The following ZFHX3 variants were observed in gnomAD, a reference collection of about 807,000 sequenced individuals.
ZFHX3 encodes zinc finger homeobox 3.
ZFHX3 carries 42 observed loss-of-function variants against 279.1 expected under a neutral mutation model. The observed-to-expected ratio is 0.15, with a 90% confidence interval of 0.12 to 0.19. ZFHX3 has a LOEUF of 0.19. Among genes scored for constraint, ZFHX3 ranks in the 10% least tolerant of loss-of-function variants. The probability of loss-of-function intolerance (pLI) is 1.00; values close to 1 mark genes in which losing one functional copy is unlikely to be tolerated. For missense variants in ZFHX3, 4,981 were observed against 4,754.0 expected (o/e 1.05, Z -1.40); for synonymous variants, 2,293 against 1,957.8 (o/e 1.17, Z -4.52).
At chr16:73,537,170 G>T (rs2019916754) in intron 2 of ZFHX3, among the ~76,000 whole-genome samples, 1 of 152,132 alleles carries the variant, frequency 6.6e-6, no homozygotes, top group Non-Finnish European at 1.5e-5. Context: ...GCTTTGGGCT[G>T]ATGCTTATCT....
At chr16:73,048,522 G>A (rs888982904), upstream of ZFHX3, 16 of 152,370 alleles carry the variant, frequency 1.1e-4, no homozygotes, top group East Asian at 3.1e-3. Context: ...CAAAGCCCAG[G>A]CCCTCCCGGA....
chr16:73,563,719 A>T (rs1232663004), intron 2 of ZFHX3, among the ~76,000 whole-genome samples: 1 of 152,144 alleles, frequency 6.6e-6, no homozygotes, highest in East Asian at 1.9e-4. Context: ...CAAAATGCAG[A>T]AGGAAACTGA....
At chr16:73,499,829 T>C (rs1383107604) in intron 2 of ZFHX3, 1 of 152,208 alleles carries the variant, frequency 6.6e-6, no homozygotes, top group Non-Finnish European at 1.5e-5. Flanking sequence ...ACAATGGTCC[T>C]GTAAGATTAC....
rs192094203 is a variant in ZFHX3, at chr16:73,127,917, G to C, written c.-897+3051C>G. Among the ~76,000 whole-genome samples the C allele has an allele frequency of 2.6e-5, 4 of 152,330 alleles. No individual in the cohort carries two copies. The East Asian group carries it at 7.7e-4, about 29-fold the overall frequency. On this transcript the variant is annotated intron_variant, in intron 7 of 17. Transcript: ENST00000641206. Reference sequence around the variant, plus strand: ...TTTGGCCAATGAAATGTGAATAGAAGTGATGCATGTCCCTGCTGGGTAGAA... The same window carrying C: ...TTTGGCCAATGAAATGTGAATAGAACTGATGCATGTCCCTGCTGGGTAGAA...
chr16:73,735,901 T>TGTTTG lies in ZFHX3; in HGVS notation c.-1607-55662_-1607-55661insCAAAC, dbSNP rs375304884. On this transcript the variant is annotated intron_variant, in intron 1 of 17. Transcript: ENST00000641206. ...AGCACCAGCCATTCCGTTTTTTTTTTTTTTTTTTTTTTTTTAATGCTCTGA... is the reference window on the plus strand; with the variant it reads ...AGCACCAGCCATTCCGTTTTTTTTTTGTTTGTTTTTTTTTTTTTTTAATGCTCTGA... Among the ~76,000 whole-genome samples, 578 of 146,044 alleles carry TGTTTG rather than the reference T, an allele frequency of 4.0e-3. 7 individuals carry two copies. Among genetic ancestry groups the TGTTTG allele is most frequent in the African/African-American group, 0.013 (504 of 37,578 alleles).
At chr16:72,839,662 A>T (rs1331822189) in intron 4 of ZFHX3, among the ~76,000 whole-genome samples, 1 of 152,142 alleles carries the variant, frequency 6.6e-6, no homozygotes, top group Non-Finnish European at 1.5e-5. Flanking sequence ...AGTTGATAGA[A>T]GAAGGTCTCG....
At chr16:73,671,567 T>C (rs2052904373) in intron 2 of ZFHX3, among the ~76,000 whole-genome samples, 1 of 152,266 alleles carries the variant, frequency 6.6e-6, no homozygotes, top group South Asian at 2.1e-4. Context: ...ATTGGTTTTA[T>C]TTCTAACCTG....
intron 2 of ZFHX3, among the ~76,000 whole-genome samples, chr16:73,622,748 C>T (rs896514798): frequency 2.0e-5 from 3 of 152,180 alleles, no homozygotes; most frequent in South Asian, 2.1e-4. Flanking sequence ...CTTCATGACT[C>T]CCAGCAGCTC....
At chr16:73,315,463 C>T (rs1365251511) in intron 4 of ZFHX3, among the ~76,000 whole-genome samples, 2 of 152,106 alleles carry the variant, frequency 1.3e-5, no homozygotes, top group Non-Finnish European at 2.9e-5. Flanking sequence ...TTCACTTTTG[C>T]CAGATTTCCA....
chr16:73,614,167 C>G (rs1439466013), intron 2 of ZFHX3, among the ~76,000 whole-genome samples: 4 of 152,226 alleles, frequency 2.6e-5, no homozygotes, highest in African/African-American at 7.2e-5. Context: ...CAGAGGGAAG[C>G]TGTCCAGCAA....
intron 4 of ZFHX3, among the ~76,000 whole-genome samples, chr16:73,274,141 C>T: frequency 6.6e-6 from 1 of 151,722 alleles, no homozygotes; most frequent in East Asian, 1.9e-4. Context: ...GAAACTCTGT[C>T]TCAGGAAAAA....
At chr16:72,930,137 G>C (rs1465761587) in intron 3 of ZFHX3, among the ~76,000 whole-genome samples, 2 of 152,206 alleles carry the variant, frequency 1.3e-5, no homozygotes, top group Admixed American at 6.5e-5. Context: ...AGAATCACTT[G>C]AACACGGGAG....
intron 7 of ZFHX3, among the ~76,000 whole-genome samples, chr16:73,104,217 T>TTATGTATG (rs1555498880): frequency 1.4e-5 from 2 of 142,066 alleles, no homozygotes; most frequent in African/African-American, 5.4e-5. Flanking sequence ...TGGATTTATT[T>TTATGTATG]TATGTATTTA....
intron 6 of ZFHX3, among the ~76,000 whole-genome samples, chr16:73,142,455 C>T (rs1966850014): frequency 6.6e-6 from 1 of 152,180 alleles, no homozygotes; most frequent in South Asian, 2.1e-4. Flanking sequence ...CCAGTGAGTA[C>T]AGAGGGGGGA....
chr16:72,811,568 C>A lies in ZFHX3; in HGVS notation c.3864+9G>T. 1 of 1,572,092 alleles carries A rather than the reference C, an allele frequency of 6.4e-7. No homozygotes were observed. The highest frequency in any genetic ancestry group is 8.7e-7 in the Non-Finnish European group (1 of 1,154,932). The stretch of plus-strand genomic sequence containing the variant: ...AAAGACCACAGGGTGCTGCTCCTGG[C>A]TGCCTTACCGTCATAATGAGCTTCT... On this transcript the variant is annotated intron_variant, in intron 7 of 9. Transcript: ENST00000268489.
chr16:73,308,244 TA>T (rs1567446190), intron 4 of ZFHX3, among the ~76,000 whole-genome samples: 6 of 18,546 alleles, frequency 3.2e-4, no homozygotes, highest in Non-Finnish European at 9.0e-4. Context: ...TATATATATA[TA>T]TATATATATA....
chr16:73,585,472 A>G (rs1270130716), intron 2 of ZFHX3, among the ~76,000 whole-genome samples: 1 of 152,182 alleles, frequency 6.6e-6, no homozygotes, highest in African/African-American at 2.4e-5. Context: ...GGGAGAGCAT[A>G]AAAGACAAAT....
At chr16:73,435,695 C>G (rs575586065) in intron 3 of ZFHX3, among the ~76,000 whole-genome samples, 3 of 152,340 alleles carry the variant, frequency 2.0e-5, no homozygotes, top group Non-Finnish European at 4.4e-5. Context: ...TCAGGAGTCA[C>G]AGTTCCCATT....
chr16:73,258,901 T>A (rs2013738387), intron 4 of ZFHX3, among the ~76,000 whole-genome samples: 1 of 152,234 alleles, frequency 6.6e-6, no homozygotes, highest in Non-Finnish European at 1.5e-5. Context: ...GAGTTTACAT[T>A]TTCTTACATG....
Sources: gnomAD v4.1 joint callset for allele counts (sites outside exome capture counted in the v4.1 genomes callset) on GRCh38, gnomAD v4.1.1 for gene constraint, MANE v1.5 for transcripts, NCBI Gene and HGNC (gene_info 2026-07-23, HGNC 2026-07-21) for gene names.